The following ABCA1 variants were observed in gnomAD, a reference collection of about 807,000 sequenced individuals.
The protein encoded by ABCA1 is phospholipid-transporting ATPase ABCA1.
In ABCA1, 133 loss-of-function variants were observed where a neutral mutation model predicts 262.5. That is an observed-to-expected ratio of 0.51 (90% CI 0.44 to 0.59). The LOEUF is 0.59. Among genes scored for constraint, ABCA1 ranks in the 20% least tolerant of loss-of-function variants. The probability of loss-of-function intolerance (pLI) is 0.00; values close to 1 mark genes in which losing one functional copy is unlikely to be tolerated. For synonymous variants in ABCA1, 1,022 were observed against 1,043.5 expected (o/e 0.98, Z 0.40); for missense variants, 2,452 against 2,777.5 (o/e 0.88, Z 2.63).
rs1831920444 is a variant in ABCA1 at position 104,817,869 on chromosome 9, G to A, written c.3463-465C>T. 6.6e-6 allele frequency among the ~76,000 whole-genome samples: 1 copy of A among 152,238 alleles called. No homozygotes were observed. The highest frequency in any genetic ancestry group is 1.5e-5 in the Non-Finnish European group (1 of 68,044). ...GTGATCCTGATGCTGCTGGTCCTCAGACTGCACTTGAGTTAAGAGGCTCAT... is the reference window on the plus strand; with the variant it reads ...GTGATCCTGATGCTGCTGGTCCTCAAACTGCACTTGAGTTAAGAGGCTCAT... On this transcript the variant is annotated intron_variant, in intron 23 of 49. Coordinates refer to ENST00000374736, the MANE Select transcript of ABCA1 (RefSeq NM_005502.4). The surrounding 1 kb of genome is among the most constrained non-coding windows in gnomAD (Gnocchi z 4.7).
intron 5 of ABCA1, among the ~76,000 whole-genome samples, chr9:104,881,206 A>G (rs543477234): frequency 3.9e-4 from 60 of 152,302 alleles, no homozygotes; most frequent in Non-Finnish European, 7.1e-4. Context: ...AGTCTCCTCC[A>G]CTAAGATCAG....
Position 104,844,185 on chromosome 9 carries a change from T to G in ABCA1, c.813+1292A>C, listed in dbSNP as rs538239130. 9.2e-5 allele frequency among the ~76,000 whole-genome samples: 14 copies of G among 152,134 alleles called. No homozygotes were observed. In the East Asian group the frequency reaches 2.7e-3, roughly 30 times the overall value. ...GGCTGCGAGGGGATCTGCAGAGCAA[T>G]GCAAGGCATGTCAATGTCAGCTAAC... is the stretch of plus-strand genomic sequence containing the variant. On this transcript the variant is annotated intron_variant, in intron 8 of 49. Coordinates refer to ENST00000374736, the MANE Select transcript of ABCA1 (RefSeq NM_005502.4).
rs112635835 is a variant in ABCA1, at chr9:104,904,856, C to T, written c.-92-1085G>A. ...CCACCTGCACCTGAACACACCGCCC[C>T]CCTACTCCGTTGGGTGTCACAGGTG... On this transcript the variant is annotated intron_variant, in intron 1 of 49. Transcript: ENST00000374736. 9.3e-3 allele frequency among the ~76,000 whole-genome samples: 1,422 copies of T among 152,300 alleles called. 18 individuals carry two copies. The highest frequency in any genetic ancestry group is 0.033 in the African/African-American group (1,354 of 41,550).
At chr9:104,830,886 T>C (rs1430758038) in intron 14 of ABCA1, 39 bp downstream of exon 14, 10 of 1,610,534 alleles carry the variant, frequency 6.2e-6, no homozygotes, top group Non-Finnish European at 7.6e-6. Flanking sequence ...TCTGGCACAG[T>C]ATAAACTGGT....
At chr9:104,829,236 A>G (rs1032865418) in intron 14 of ABCA1, 98 bp from the exon 15 acceptor site, 2 of 1,190,768 alleles carry the variant, frequency 1.7e-6, no homozygotes, top group Non-Finnish European at 2.4e-6. Context: ...AGGGAGCACC[A>G]CATCTGGGCC....
At chr9:104,887,829 C>A (rs974388411) in intron 3 of ABCA1, among the ~76,000 whole-genome samples, 2 of 146,352 alleles carry the variant, frequency 1.4e-5, no homozygotes, top group African/African-American at 2.6e-5. Flanking sequence ...CAGGTTGAAG[C>A]AATTCTCCTG....
chr9:104,843,242 T>G (rs1193407834), intron 8 of ABCA1, among the ~76,000 whole-genome samples: 7 of 152,306 alleles, frequency 4.6e-5, no homozygotes, highest in African/African-American at 1.7e-4. Context: ...GAAGTTAGCG[T>G]GTTCACTGCT....
intron 7 of ABCA1, among the ~76,000 whole-genome samples, chr9:104,852,444 G>A (rs1033080249): frequency 4.6e-5 from 7 of 152,070 alleles, no homozygotes; most frequent in Admixed American, 2.0e-4. Flanking sequence ...GCATTCAAAC[G>A]CTTCATTTTT....
At chr9:104,922,819 C>T (rs774191627) in intron 1 of ABCA1, among the ~76,000 whole-genome samples, 25 of 152,254 alleles carry the variant, frequency 1.6e-4, no homozygotes, top group Non-Finnish European at 2.8e-4. Flanking sequence ...TCAAGCAATT[C>T]TTCTACTTCA....
rs1833346668 is a variant in ABCA1 at position 104,831,726 on chromosome 9, C to T, written c.1611G>A (p.Val537=). 3 of 1,614,044 alleles carry T rather than the reference C, an allele frequency of 1.9e-6. No homozygotes were observed. Among genetic ancestry groups the T allele is most frequent in the Non-Finnish European group, 2.5e-6 (3 of 1,180,038 alleles). Residue 537 remains valine, a synonymous_variant, in exon 13 of 50, where the codon GTG becomes GTA. Transcript: ENST00000374736. ...TGCTGCCTGGAGTAATTCCAGTGAA[C>T]ACAATACCAGCCCAGAACTTCCTCT... is the stretch of plus-strand genomic sequence containing the variant. The part of the protein sequence containing the change: ...LDERKFWAGI[V]FTGITPGSIE...
intron 2 of ABCA1, 167 bp from the exon 3 acceptor site, chr9:104,889,362 T>A (rs1156634735): frequency 3.0e-6 from 3 of 984,978 alleles, no homozygotes; most frequent in East Asian, 1.1e-4. Flanking sequence ...AGTCCCAACC[T>A]TTTAACATAC....
At chr9:104,796,462 A>G in intron 37 of ABCA1, 38 bp from the exon 38 acceptor site, 1 of 1,509,394 alleles carries the variant, frequency 6.6e-7, no homozygotes. Flanking sequence ...TCACCCCTAA[A>G]TCAAATATAC....
At chr9:104,849,839 T>C (rs981100656) in intron 7 of ABCA1, among the ~76,000 whole-genome samples, 2 of 152,234 alleles carry the variant, frequency 1.3e-5, no homozygotes, top group Non-Finnish European at 2.9e-5. Flanking sequence ...TGTATCAACA[T>C]TGATAAATCT....
chr9:104,798,649 GCTCA>G, intron 36 of ABCA1, 51 bp from the exon 37 acceptor site: 1 of 1,535,918 alleles, frequency 6.5e-7, no homozygotes, highest in East Asian at 2.3e-5. Flanking sequence ...TGCAGTTAGG[GCTCA>G]ATCAGTGAGG....
intron 1 of ABCA1, among the ~76,000 whole-genome samples, chr9:104,918,918 T>C (rs1009987924): frequency 6.6e-6 from 1 of 152,228 alleles, no homozygotes; most frequent in Non-Finnish European, 1.5e-5. Context: ...GGTTTGACTC[T>C]TGTGAAAAAC....
intron 1 of ABCA1, among the ~76,000 whole-genome samples, chr9:104,905,988 T>C (rs912268583): frequency 6.6e-6 from 1 of 152,208 alleles, no homozygotes; most frequent in African/African-American, 2.4e-5. Context: ...TTACCTTGTA[T>C]GGTGTTCAAC....
In ABCA1 at chr9:104,825,695, C is replaced by A. The variant is rs769798882; in HGVS notation, c.2530G>T (p.Ala844Ser). 5 of 1,614,186 alleles carry A rather than the reference C, an allele frequency of 3.1e-6. No homozygotes were observed. Among genetic ancestry groups the A allele is most frequent in the Non-Finnish European group, 3.4e-6 (4 of 1,180,014 alleles). Residue 844 changes from alanine to serine, a missense_variant, in exon 17 of 50, where the codon GCT (alanine) becomes TCT (serine). Physicochemically the swap from Ala to Ser is moderately conservative, Grantham distance 99 (BLOSUM62 1). Coordinates refer to ENST00000374736, the MANE Select transcript of ABCA1 (RefSeq NM_005502.4). ...CAAAGCAGTGTACCTGGAAAGACAG[C>A]CTCAATGTACCAGGTCATCACCCCA... ...LYGVMTWYIE[A>S]VFPGQYGIPR...
Position 104,782,848 on chromosome 9 carries a change from T to TA in ABCA1, c.*1466dup, listed in dbSNP as rs200463326. On this transcript the variant is annotated 3_prime_UTR_variant, in exon 50 of 50. Transcript: ENST00000374736. Reference sequence around the variant, plus strand: ...TTCTTGGCTTTTGCATTGTTGCAATTAAAAAAAAAAAAAAAAAGGCTGCCC... The same window carrying TA: ...TTCTTGGCTTTTGCATTGTTGCAATTAAAAAAAAAAAAAAAAAAGGCTGCCC... 10,540 of 136,120 alleles carry TA rather than the reference T, an allele frequency of 0.077. 739 individuals are homozygous for TA. Among genetic ancestry groups the TA allele is most frequent in the African/African-American group, 0.19 (6,972 of 37,444 alleles). 8.4% of individuals were successfully genotyped at this position (136,120 alleles called of 1,614,324 possible).
chr9:104,790,064 C>G (rs1829285402), intron 44 of ABCA1, among the ~76,000 whole-genome samples: 2 of 151,322 alleles, frequency 1.3e-5, no homozygotes, highest in African/African-American at 4.9e-5. Context: ...CCATTGCTCT[C>G]CAGCCTGGGC....
Sources: gnomAD v4.1 joint callset for allele counts (sites outside exome capture counted in the v4.1 genomes callset) on GRCh38, gnomAD v4.1.1 for gene constraint, Gnocchi (gnomAD v3.1) non-coding constraint, MANE v1.5 for transcripts, NCBI Gene and HGNC (gene_info 2026-07-23, HGNC 2026-07-21) for gene names.